LMO2: variants seen among roughly 807,000 people sequenced by gnomAD.
LMO2 encodes the protein rhombotin-2.
A neutral mutation model predicts 23.2 loss-of-function variants in LMO2; 20 were observed. That is an observed-to-expected ratio of 0.86 (90% CI 0.61 to 1.25). The LOEUF is 1.25. Among genes scored for constraint, LMO2 ranks in the 50% most tolerant of loss-of-function variants. The pLI, the probability that LMO2 is intolerant of heterozygous loss-of-function variation, is 0.00. For missense variants in LMO2, 270 were observed against 315.3 expected (o/e 0.86, Z 1.09); for synonymous variants, 123 against 130.2 (o/e 0.94, Z 0.38).
rs1473515691 is a variant in LMO2 at position 33,864,612 on chromosome 11, C to T, written c.454G>A (p.Asp152Asn). Reference protein sequence around the residue: ...YKLGRKLCRRDYLRLFGQDGL... With the variant: ...YKLGRKLCRRNYLRLFGQDGL... The stretch of plus-strand genomic sequence containing the variant: ...TGCCGGGGAGGGTACCTGAGATAGT[C>T]TCTCCGGCAGAGCTTCCGGCCCAGT... Residue 152 changes from aspartate to asparagine, a missense_variant, in exon 5 of 6, where the codon GAC (aspartate) becomes AAC (asparagine). By Grantham distance (23) the Asp-to-Asn change is conservative. This residue lies in a region of LMO2 where 100 missense variants were observed against 153.3 expected (regional missense o/e 0.65). Coordinates refer to ENST00000257818, the MANE Select transcript of LMO2 (RefSeq NM_005574.4). The surrounding 1 kb of genome is among the most constrained non-coding windows in gnomAD (Gnocchi z 4.8). 1 of 1,613,080 alleles carries T rather than the reference C, an allele frequency of 6.2e-7. No individual in the cohort carries two copies. The highest frequency in any genetic ancestry group is 1.3e-5 in the African/African-American group (1 of 74,910).
At chr11:33,879,559 G>A (rs1020223991) in intron 2 of LMO2, among the ~76,000 whole-genome samples, 1 of 152,102 alleles carries the variant, frequency 6.6e-6, no homozygotes, top group Non-Finnish European at 1.5e-5. Context: ...GCCCAGGAAG[G>A]GAGACAGAGG....
At chr11:33,888,801 G>A (rs904770438) in intron 1 of LMO2, among the ~76,000 whole-genome samples, 3 of 152,272 alleles carry the variant, frequency 2.0e-5, no homozygotes, top group Non-Finnish European at 2.9e-5. Context: ...TTTTGTTGAC[G>A]TCTACGTATC....
chr11:33,890,016 G>GTT, intron 1 of LMO2, among the ~76,000 whole-genome samples: 1 of 152,284 alleles, frequency 6.6e-6, no homozygotes, highest in South Asian at 2.1e-4. Context: ...ACTGGAAGCT[G>GTT]TTATCTTAAG....
At position 33,880,750 on chromosome 11, in the gene LMO2, A is replaced by AT; in HGVS notation, c.-272+1073_-272+1074insA. 5.7e-6 allele frequency: 1 copy of AT among 175,412 alleles called. No homozygotes were observed. Among genetic ancestry groups the AT allele is most frequent in the South Asian group, 1.2e-4 (1 of 8,040 alleles). The allele number at this position is 175,412 out of a possible 1,614,324, so 10.9% of individuals were successfully genotyped here. A position where few individuals can be genotyped will look rare whatever the true frequency, so the allele number is the denominator to read the frequency against. On this transcript the variant is annotated intron_variant, in intron 2 of 5. Transcript: ENST00000257818. This position sits in a 1 kb window ranked among gnomAD's most constrained non-coding sequence, Gnocchi z 4.3. ...ATTCCCTAGGTGTAGCTCTGTTCCT[A>AT]CATGCAAAATTTTACATATTGTTCC...
chr11:33,888,932 G>A (rs1565038987), intron 1 of LMO2, among the ~76,000 whole-genome samples: 1 of 152,174 alleles, frequency 6.6e-6, no homozygotes, highest in Non-Finnish European at 1.5e-5. Flanking sequence ...GCTCAGGAAG[G>A]GTACGCAACT....
intron 2 of LMO2, among the ~76,000 whole-genome samples, chr11:33,877,276 T>A (rs1260734261): frequency 6.6e-6 from 1 of 152,088 alleles, no homozygotes; most frequent in East Asian, 1.9e-4. Context: ...GTCACGTGTC[T>A]CTGATCTAAG....
At position 33,880,536 on chromosome 11, in the gene LMO2, A is replaced by G. The variant is rs1280970611; in HGVS notation, c.-272+1288T>C. 6.6e-6 allele frequency: 1 copy of G among 152,238 alleles called. No homozygotes were observed. The highest frequency in any genetic ancestry group is 1.5e-5 in the Non-Finnish European group (1 of 68,078). 9.4% of individuals were successfully genotyped at this position (152,238 alleles called of 1,614,324 possible). A position where few individuals can be genotyped will look rare whatever the true frequency, so the allele number is the denominator to read the frequency against. On this transcript the variant is annotated intron_variant, in intron 2 of 5. Transcript: ENST00000257818. This position sits in a 1 kb window ranked among gnomAD's most constrained non-coding sequence, Gnocchi z 4.3. ...AGGGGGAGGGGATAGTTATTGTTTA[A>G]TGGACAAAACATTTCAGTTGGAAAA...
intron 1 of LMO2, among the ~76,000 whole-genome samples, chr11:33,883,824 G>A (rs929444359): frequency 2.0e-5 from 3 of 152,198 alleles, no homozygotes; most frequent in African/African-American, 7.2e-5. Flanking sequence ...CCAGCTCACA[G>A]GGCTACTAAG....
Position 33,859,518 on chromosome 11 carries a change from C to T in LMO2, c.522G>A (p.Glu174=). ...CTTTGTCTTTCACCCGCATTGTCAT[C>T]TCATAGGCACGAATCCGCTTGTCAC... is the stretch of plus-strand genomic sequence containing the variant. ...ASCDKRIRAY[E]MTMRVKDKVY... Residue 174 remains glutamate, a synonymous_variant, in exon 6 of 6, where the codon GAG becomes GAA. Transcript: ENST00000257818. 4.3e-6 allele frequency: 7 copies of T among 1,614,138 alleles called. No individual in the cohort carries two copies. The highest frequency in any genetic ancestry group is 5.9e-6 in the Non-Finnish European group (7 of 1,180,038).
intron 1 of LMO2, among the ~76,000 whole-genome samples, chr11:33,885,687 G>T (rs1433975023): frequency 6.6e-6 from 1 of 152,226 alleles, no homozygotes; most frequent in African/African-American, 2.4e-5. Flanking sequence ...GGTGGCCTGT[G>T]TGGTGGCCAC....
Position 33,859,134 on chromosome 11 carries a change from A to G in LMO2, c.*222T>C, listed in dbSNP as rs1856470420. 1 of 524,996 alleles carries G rather than the reference A, an allele frequency of 1.9e-6. No individual in the cohort carries two copies. Among genetic ancestry groups the G allele is most frequent in the Non-Finnish European group, 3.5e-6 (1 of 289,066 alleles). 32.5% of individuals were successfully genotyped at this position (524,996 alleles called of 1,614,324 possible). ...GTTACTATGGATGGGCTGTGGCCAT[A>G]AGTTCTCCCTCAAGGGCTGGTCCTT... is the stretch of plus-strand genomic sequence containing the variant. On this transcript the variant is annotated 3_prime_UTR_variant, in exon 6 of 6. Transcript: ENST00000257818.
intron 1 of LMO2, among the ~76,000 whole-genome samples, chr11:33,889,270 G>A (rs1175258135): frequency 1.3e-5 from 2 of 152,136 alleles, no homozygotes; most frequent in Non-Finnish European, 2.9e-5. Flanking sequence ...TACCCTTGAG[G>A]AGCTCACCAA....
rs1185963474 is a variant in LMO2 at position 33,869,490 on chromosome 11, CCGCCGCCGCCGTCGCCGCCGCTCCTG to C, written c.78_103del (p.Ser28ArgfsTer52). The C allele has an allele frequency of 2.6e-5, 31 of 1,203,532 alleles. No individual in the cohort carries two copies. Among genetic ancestry groups the C allele is most frequent in the Non-Finnish European group, 3.1e-5 (30 of 966,086 alleles). The allele number at this position is 1,203,532 out of a possible 1,614,324, so 74.6% of individuals were successfully genotyped here. On this transcript the variant is annotated frameshift_variant, in exon 4 of 6. Transcript: ENST00000257818. LOFTEE classifies it high-confidence loss of function. ...CCCCTCGGGTGCTCGGGCGCCGCCG[CCGCCGCCGCCGTCGCCGCCGCTCCTG>C]CGCCTCCGCTTGCTCCGGCGCTCCG...
chr11:33,883,742 A>C (rs760631340), intron 1 of LMO2, among the ~76,000 whole-genome samples: 5 of 152,196 alleles, frequency 3.3e-5, no homozygotes, highest in Non-Finnish European at 7.3e-5. Flanking sequence ...GCAACACCCT[A>C]ATGAAGTAAG....
rs1590624373 is a variant in LMO2 at position 33,859,360 on chromosome 11, A to G, written c.680T>C (p.Ile227Thr). 7 of 1,612,992 alleles carry G rather than the reference A, an allele frequency of 4.3e-6. No individual in the cohort carries two copies. In the Middle Eastern group the frequency reaches 5.0e-4, roughly 114 times the overall value. The change falls in exon 6 of 6, where the codon ATA becomes ACA. Residue 227 changes from isoleucine to threonine, a missense_variant. Transcript: ENST00000257818. ...AAGATGCCCGGGGACTCGGGCCTAT[A>G]TCATCCCATTGATCTTAGTCCACTC... ...IYEWTKINGM[I>T]
At chr11:33,890,598 T>C (rs1857521962) in intron 1 of LMO2, among the ~76,000 whole-genome samples, 1 of 152,198 alleles carries the variant, frequency 6.6e-6, no homozygotes, top group African/African-American at 2.4e-5. Flanking sequence ...GCGATCTGCC[T>C]GCCTTGGCCT....
At chr11:33,859,598 T>C (rs1404345438) in intron 5 of LMO2, 23 bp from the exon 6 acceptor site, 2 of 1,608,974 alleles carry the variant, frequency 1.2e-6, no homozygotes, top group African/African-American at 2.7e-5. Context: ...AAAGAAAAGC[T>C]AAGAAGACAG....
chr11:33,876,178 CCTT>C (rs1242753301), intron 2 of LMO2, among the ~76,000 whole-genome samples: 2 of 152,138 alleles, frequency 1.3e-5, no homozygotes, highest in African/African-American at 2.4e-5. Context: ...TTTATAAAAT[CCTT>C]CTTCTCCTCA....
chr11:33,883,668 TG>T (rs1457395072), intron 1 of LMO2, among the ~76,000 whole-genome samples: 2 of 152,194 alleles, frequency 1.3e-5, no homozygotes, highest in Non-Finnish European at 2.9e-5. Flanking sequence ...AGCGATTATC[TG>T]GAAACTTCCT....
Sources: allele counts gnomAD v4.1 joint callset (sites outside exome capture counted in the v4.1 genomes callset), GRCh38; gene constraint gnomAD v4.1.1; regional missense constraint gnomAD v4.1.1; non-coding constraint Gnocchi (gnomAD v3.1); transcripts MANE v1.5; gene names NCBI Gene and HGNC (gene_info 2026-07-23, HGNC 2026-07-21).